GPC6: variants seen among roughly 807,000 people sequenced by gnomAD.
GPC6 encodes the protein glypican 6.
In GPC6, 14 loss-of-function variants were observed where a neutral mutation model predicts 55.2. The observed-to-expected ratio is 0.25, with a 90% CI of 0.17 to 0.40. The LOEUF (loss-of-function observed/expected upper bound fraction) is 0.40, where lower values mean the gene tolerates loss of function less well. GPC6 is among the 10% of genes least tolerant of loss of function. GPC6 has a pLI of 1.00. For missense variants in GPC6, 641 were observed against 708.5 expected, an observed-to-expected ratio of 0.90 and a Z score of 1.08; for synonymous variants, 278 against 259.6, an observed-to-expected ratio of 1.07 and a Z score of -0.68.
rs574984187 is a variant in GPC6, at chr13:94,365,128, A to G, written c.1153-17286A>G. On this transcript the variant is annotated intron_variant, in intron 6 of 8. Coordinates refer to ENST00000377047, the MANE Select transcript of GPC6 (RefSeq NM_005708.5). ...CCTGCAGCTGGGAGGGAGGCCCACAACCATGATGAATAGGCAAATCTTTAT... is the reference window on the plus strand; with the variant it reads ...CCTGCAGCTGGGAGGGAGGCCCACAGCCATGATGAATAGGCAAATCTTTAT... 5.9e-5 allele frequency among the ~76,000 whole-genome samples: 9 copies of G among 152,340 alleles called. No homozygotes were observed. In the South Asian group the frequency reaches 1.0e-3, roughly 18 times the overall value.
At chr13:94,252,212 C>G (rs1170605690) in intron 4 of GPC6, among the ~76,000 whole-genome samples, 1 of 152,120 alleles carries the variant, frequency 6.6e-6, no homozygotes, top group East Asian at 1.9e-4. Flanking sequence ...TTATATAAAA[C>G]CTTGATTTAG....
chr13:94,259,296 G>A (rs546896084), intron 4 of GPC6, among the ~76,000 whole-genome samples: 1 of 152,266 alleles, frequency 6.6e-6, no homozygotes, highest in African/African-American at 2.4e-5. Context: ...TTCCATGATA[G>A]GGTTAGACTA....
intron 1 of GPC6, among the ~76,000 whole-genome samples, chr13:93,429,267 C>T (rs1232203071): frequency 7.0e-6 from 1 of 143,350 alleles, no homozygotes; most frequent in Non-Finnish European, 1.6e-5. Context: ...CTTAGAGCCT[C>T]CTCAAAAGAA....
chr13:93,974,853 A>C (rs1418508465), intron 3 of GPC6, among the ~76,000 whole-genome samples: 2 of 152,132 alleles, frequency 1.3e-5, no homozygotes, highest in Admixed American at 6.6e-5. Context: ...TTTATTTTAT[A>C]CAAAATCATG....
At chr13:93,231,383 ATATATATATATATG>A (rs1366159553) in intron 1 of GPC6, among the ~76,000 whole-genome samples, 8 of 19,284 alleles carry the variant, frequency 4.1e-4, no homozygotes, top group East Asian at 3.7e-3. Flanking sequence ...ATATATACAT[ATATATATATATATG>A]TATATATATA....
intron 4 of GPC6, among the ~76,000 whole-genome samples, chr13:94,199,815 C>T (rs903051062): frequency 2.0e-5 from 3 of 152,052 alleles, no homozygotes; most frequent in Admixed American, 1.3e-4. Context: ...CTTCATTTGC[C>T]CTCCTTGACC....
intron 2 of GPC6, among the ~76,000 whole-genome samples, chr13:93,735,293 G>A (rs547779265): frequency 5.0e-4 from 76 of 152,258 alleles, no homozygotes; most frequent in Non-Finnish European, 4.0e-4. Flanking sequence ...CCAGCACTTT[G>A]GGAGGCCGAG....
chr13:93,257,938 A>C (rs1225795136), intron 1 of GPC6, among the ~76,000 whole-genome samples: 1 of 152,242 alleles, frequency 6.6e-6, no homozygotes, highest in Non-Finnish European at 1.5e-5. Flanking sequence ...GGTAAGAAGT[A>C]GTAAAAAATT....
chr13:94,283,817 G>A (rs1892454441), intron 4 of GPC6, among the ~76,000 whole-genome samples: 1 of 152,164 alleles, frequency 6.6e-6, no homozygotes, highest in Non-Finnish European at 1.5e-5. Flanking sequence ...ACAGCTCCAA[G>A]AGCAGAGTTA....
chr13:94,168,806 T>C (rs1222750442), intron 4 of GPC6, among the ~76,000 whole-genome samples: 1 of 151,326 alleles, frequency 6.6e-6, no homozygotes, highest in African/African-American at 2.4e-5. Flanking sequence ...AATTATTATA[T>C]TCATTTTTTA....
At position 93,228,541 on chromosome 13, in the gene GPC6, C is replaced by A. The variant is rs555303656; in HGVS notation, c.160+925C>A. On this transcript the variant is annotated intron_variant, in intron 1 of 8. Coordinates refer to ENST00000377047, the MANE Select transcript of GPC6 (RefSeq NM_005708.5). The stretch of plus-strand genomic sequence containing the variant: ...GTAGCACTTGGTCTCCGACAACTTG[C>A]GCGGCAGTCTGGGTGCTTGTTTTCC... Among the ~76,000 whole-genome samples, 14 of 152,292 alleles carry A rather than the reference C, an allele frequency of 9.2e-5. No individual in the cohort carries two copies. The South Asian group carries it at 2.9e-3, about 32-fold the overall frequency.
At chr13:93,308,208 C>A (rs1878943348) in intron 1 of GPC6, among the ~76,000 whole-genome samples, 1 of 152,106 alleles carries the variant, frequency 6.6e-6, no homozygotes, top group Admixed American at 6.5e-5. Flanking sequence ...TGGCATGAAC[C>A]CGGGAGGCAG....
intron 6 of GPC6, among the ~76,000 whole-genome samples, chr13:94,371,336 C>T (rs1164185888): frequency 6.6e-6 from 1 of 152,168 alleles, no homozygotes; most frequent in Non-Finnish European, 1.5e-5. Flanking sequence ...GAGATGCACA[C>T]ACACTCCTGT....
In GPC6 at chr13:93,764,254, C is replaced by T. The variant is rs141498177; in HGVS notation, c.320-65900C>T. ...AGGGGAATAAACAAATCAGACTCCT[C>T]CAATCCTACAAAATGCTACCTTTCA... is the stretch of plus-strand genomic sequence containing the variant. On this transcript the variant is annotated intron_variant, in intron 2 of 8. Coordinates refer to ENST00000377047, the MANE Select transcript of GPC6 (RefSeq NM_005708.5). 8.4e-3 allele frequency among the ~76,000 whole-genome samples: 1,273 copies of T among 152,130 alleles called. 59 individuals are homozygous for T. Among genetic ancestry groups the T allele is most frequent in the Admixed American group, 0.07 (1,067 of 15,268 alleles).
rs377203876 is a variant in GPC6 at position 93,738,754 on chromosome 13, A to C, written c.320-91400A>C. 4.6e-5 allele frequency among the ~76,000 whole-genome samples: 7 copies of C among 152,232 alleles called. No individual in the cohort carries two copies. The East Asian group carries it at 9.7e-4, about 21-fold the overall frequency. ...ACTGGACAGTTTGAAAGAAAGAAAA[A>C]CAAATTTGAATTCTACACATTCTGA... On this transcript the variant is annotated intron_variant, in intron 2 of 8. Coordinates refer to ENST00000377047, the MANE Select transcript of GPC6 (RefSeq NM_005708.5).
chr13:93,882,574 T>C (rs1415934207), intron 3 of GPC6, among the ~76,000 whole-genome samples: 2 of 152,156 alleles, frequency 1.3e-5, no homozygotes, highest in African/African-American at 2.4e-5. Flanking sequence ...TTGATTTTTT[T>C]TTAATTTGTA....
At chr13:93,891,680 A>G (rs1391870165) in intron 3 of GPC6, among the ~76,000 whole-genome samples, 2 of 150,692 alleles carry the variant, frequency 1.3e-5, no homozygotes, top group Non-Finnish European at 2.9e-5. Flanking sequence ...TATACACACT[A>G]TATATACACA....
intron 3 of GPC6, among the ~76,000 whole-genome samples, chr13:93,936,206 C>G (rs1015538922): frequency 6.6e-6 from 1 of 152,146 alleles, no homozygotes; most frequent in East Asian, 1.9e-4. Flanking sequence ...TACTTGGTAG[C>G]TTTCTGACAT....
intron 2 of GPC6, among the ~76,000 whole-genome samples, chr13:93,661,213 T>A (rs1880906398): frequency 6.6e-6 from 1 of 152,118 alleles, no homozygotes; most frequent in Non-Finnish European, 1.5e-5. Context: ...TCTTTTTTAT[T>A]TATTAGGAGT....
Sources: gnomAD v4.1 joint callset for allele counts (sites outside exome capture counted in the v4.1 genomes callset) on GRCh38, gnomAD v4.1.1 for gene constraint, MANE v1.5 for transcripts, NCBI Gene and HGNC (gene_info 2026-07-23, HGNC 2026-07-21) for gene names.